The following RHBDD1 variants were observed in gnomAD, a reference collection of about 807,000 sequenced individuals.
The protein encoded by RHBDD1 is rhomboid-related protein 4.
In RHBDD1, 38 loss-of-function variants were observed where a neutral mutation model predicts 36.3. The ratio of observed to expected loss-of-function variants is 1.05; its 90% CI spans 0.81 to 1.37. The LOEUF (loss-of-function observed/expected upper bound fraction) is 1.37. RHBDD1 is among the 40% of genes most tolerant of loss of function. RHBDD1 has a pLI of 0.00. For synonymous variants in RHBDD1, 151 were observed against 136.5 expected, an observed-to-expected ratio of 1.11 and a Z score of -0.74; for missense variants, 393 against 377.6, an observed-to-expected ratio of 1.04 and a Z score of -0.34.
intron 3 of RHBDD1, among the ~76,000 whole-genome samples, chr2:226,843,686 G>T (rs1329143287): frequency 6.6e-6 from 1 of 152,180 alleles, no homozygotes; most frequent in Admixed American, 6.5e-5. Flanking sequence ...TTTTGTTGAG[G>T]ATTTTTGCCT....
chr2:226,808,022 AAAAG>A, the RHBDD1 span, among the ~76,000 whole-genome samples: 1 of 152,144 alleles, frequency 6.6e-6, no homozygotes, highest in Non-Finnish European at 1.5e-5. Context: ...CTCAAAAAAA[AAAAG>A]AGACACTCTG....
At chr2:226,840,374 A>G (rs1002420881) in intron 3 of RHBDD1, among the ~76,000 whole-genome samples, 9 of 152,184 alleles carry the variant, frequency 5.9e-5, no homozygotes, top group African/African-American at 1.9e-4. Context: ...TTTACCATCT[A>G]GTTTCTTGGA....
At chr2:226,814,643 A>G in the RHBDD1 span, among the ~76,000 whole-genome samples, 14 of 152,250 alleles carry the variant, frequency 9.2e-5, no homozygotes, top group Admixed American at 5.2e-4. Context: ...AAGCAGGTGC[A>G]GAAAACATTC....
chr2:226,909,135 T>C (rs1948317902), intron 7 of RHBDD1, among the ~76,000 whole-genome samples: 1 of 152,078 alleles, frequency 6.6e-6, no homozygotes, highest in African/African-American at 2.4e-5. Flanking sequence ...AGGTCTCTCA[T>C]GTGTGATAAG....
chr2:226,986,575 A>C (rs1210894606), intron 8 of RHBDD1, among the ~76,000 whole-genome samples: 2 of 152,232 alleles, frequency 1.3e-5, no homozygotes, highest in Non-Finnish European at 2.9e-5. Flanking sequence ...GAAGCATATG[A>C]AAAAAAGCTC....
At chr2:226,969,394 C>CT (rs77924848) in intron 8 of RHBDD1, among the ~76,000 whole-genome samples, 2,194 of 115,512 alleles carry the variant, frequency 0.019, 71 homozygotes, top group African/African-American at 0.055. Context: ...ACAGCTCAGC[C>CT]TTTTTTTTTT....
chr2:226,825,513 GATAA>G, the RHBDD1 span, among the ~76,000 whole-genome samples: 1 of 151,808 alleles, frequency 6.6e-6, no homozygotes, highest in Non-Finnish European at 1.5e-5. Context: ...ACACTCAATA[GATAA>G]ATACTTCCTA....
intron 3 of RHBDD1, among the ~76,000 whole-genome samples, chr2:226,848,963 G>A (rs1424062278): frequency 2.0e-5 from 3 of 152,098 alleles, no homozygotes; most frequent in African/African-American, 7.2e-5. Context: ...CTCGTGGTTT[G>A]GCTTTTTGTG....
At chr2:226,808,114 A>G in the RHBDD1 span, among the ~76,000 whole-genome samples, 1 of 152,188 alleles carries the variant, frequency 6.6e-6, no homozygotes, top group South Asian at 2.1e-4. Context: ...GCTACTGCAG[A>G]AATATGATCA....
At chr2:226,991,315 G>A (rs781271138) in intron 8 of RHBDD1, among the ~76,000 whole-genome samples, 2 of 152,158 alleles carry the variant, frequency 1.3e-5, no homozygotes, top group East Asian at 1.9e-4. Context: ...CAAGTAGCAC[G>A]GGATTACAGG....
intron 1 of RHBDD1, among the ~76,000 whole-genome samples, chr2:226,836,506 A>G (rs1940981886): frequency 6.6e-6 from 1 of 152,240 alleles, no homozygotes; most frequent in South Asian, 2.1e-4. Context: ...TTCTCAGAAC[A>G]AGTCTAAGCC....
At chr2:226,966,924 G>A (rs143901330) in intron 8 of RHBDD1, among the ~76,000 whole-genome samples, 9 of 152,054 alleles carry the variant, frequency 5.9e-5, no homozygotes, top group African/African-American at 1.9e-4. Context: ...GAAGCTTTGC[G>A]TGTGAGACCC....
At chr2:226,980,842 A>G (rs1489680673) in intron 8 of RHBDD1, among the ~76,000 whole-genome samples, 1 of 152,216 alleles carries the variant, frequency 6.6e-6, no homozygotes, top group Non-Finnish European at 1.5e-5. Flanking sequence ...TTTTCTGTTC[A>G]TAAAATGTTT....
At chr2:226,839,802 T>TAA (rs35468439) in intron 3 of RHBDD1, among the ~76,000 whole-genome samples, 175 bp downstream of exon 3, 3 of 152,130 alleles carry the variant, frequency 2.0e-5, no homozygotes, top group Admixed American at 6.5e-5. Context: ...ATTAGCTTTT[T>TAA]AAAAAATCCC....
chr2:226,881,660 G>A (rs1945750368), intron 5 of RHBDD1, among the ~76,000 whole-genome samples: 1 of 152,186 alleles, frequency 6.6e-6, no homozygotes, highest in Admixed American at 6.5e-5. Flanking sequence ...CACTGTCGCT[G>A]ACTTTCTGTA....
intron 5 of RHBDD1, among the ~76,000 whole-genome samples, chr2:226,875,707 AG>A (rs35357836): frequency 0.077 from 11,782 of 152,318 alleles, 611 homozygotes; most frequent in Non-Finnish European, 0.12. Context: ...TTGTTTTGAA[AG>A]GGGAAGAGAA....
chr2:226,944,456 A>C (rs997690776), intron 8 of RHBDD1, among the ~76,000 whole-genome samples: 1 of 152,152 alleles, frequency 6.6e-6, no homozygotes, highest in Non-Finnish European at 1.5e-5. Flanking sequence ...CTGTCCTGTC[A>C]ATTAACTGGC....
the RHBDD1 span, among the ~76,000 whole-genome samples, chr2:226,810,565 A>AAAAAAAAAAAAAAAT: frequency 6.8e-6 from 1 of 146,464 alleles, no homozygotes; most frequent in Admixed American, 6.8e-5. Context: ...AAAAAAAAAA[A>AAAAAAAAAAAAAAAT]GTGAATGTTA....
the RHBDD1 span, among the ~76,000 whole-genome samples, chr2:226,802,426 G>A: frequency 5.9e-5 from 9 of 152,136 alleles, no homozygotes; most frequent in Non-Finnish European, 8.8e-5. Context: ...TTATACTACA[G>A]TAAATTCAAT....
Sources: allele counts gnomAD v4.1 joint callset (sites outside exome capture counted in the v4.1 genomes callset), GRCh38; gene constraint gnomAD v4.1.1; transcripts MANE v1.5; gene names NCBI Gene and HGNC (gene_info 2026-07-23, HGNC 2026-07-21).